RIMS1: variants seen among roughly 807,000 people sequenced by gnomAD.
RIMS1 encodes regulating synaptic membrane exocytosis 1.
Under a neutral mutation model 214.1 loss-of-function variants are expected in RIMS1, and 83 were observed. The observed-to-expected ratio is 0.39, with a 90% CI of 0.32 to 0.47. RIMS1 has a LOEUF of 0.47. RIMS1 is among the 20% of genes least tolerant of loss of function. The pLI is 0.99. For synonymous variants in RIMS1, 793 were observed against 786.8 expected (o/e 1.01, Z -0.13); for missense variants, 2,050 against 2,161.8 (o/e 0.95, Z 1.03).
intron 2 of RIMS1, among the ~76,000 whole-genome samples, chr6:72,067,742 A>G (rs1210622245): frequency 6.6e-6 from 1 of 152,236 alleles, no homozygotes; most frequent in Non-Finnish European, 1.5e-5. Flanking sequence ...CAAAATAAGA[A>G]TAAATGAATA....
intron 2 of RIMS1, among the ~76,000 whole-genome samples, chr6:72,022,293 T>G (rs906741924): frequency 6.6e-5 from 10 of 152,184 alleles, no homozygotes; most frequent in African/African-American, 2.4e-4. Flanking sequence ...TGGAGCATGC[T>G]GCAGGGGTAT....
At chr6:72,292,735 G>A (rs1275894156) in intron 26 of RIMS1, among the ~76,000 whole-genome samples, 1 of 152,074 alleles carries the variant, frequency 6.6e-6, no homozygotes, top group Non-Finnish European at 1.5e-5. Context: ...ACATATCTTA[G>A]TAGATGACAT....
intron 1 of RIMS1, among the ~76,000 whole-genome samples, chr6:71,896,252 T>C (rs1562141726): frequency 1.3e-5 from 2 of 152,352 alleles, no homozygotes; most frequent in South Asian, 4.1e-4. Flanking sequence ...AGTCTTCTTA[T>C]ATTGAGAATG....
At chr6:72,217,987 T>G (rs2154026921) in intron 6 of RIMS1, among the ~76,000 whole-genome samples, 1 of 152,254 alleles carries the variant, frequency 6.6e-6, no homozygotes, top group Non-Finnish European at 1.5e-5. Context: ...TGGCAAAACA[T>G]TTTTTCAGAT....
At chr6:72,076,626 G>A (rs1831960132) in intron 2 of RIMS1, among the ~76,000 whole-genome samples, 1 of 152,210 alleles carries the variant, frequency 6.6e-6, no homozygotes, top group African/African-American at 2.4e-5. Flanking sequence ...AGGAGGTAGA[G>A]TAATTTATTT....
At chr6:72,060,609 C>A (rs1332091214) in intron 2 of RIMS1, among the ~76,000 whole-genome samples, 2 of 152,154 alleles carry the variant, frequency 1.3e-5, no homozygotes, top group Non-Finnish European at 2.9e-5. Flanking sequence ...TATGCATTTT[C>A]TTCTCCCTCA....
intron 29 of RIMS1, among the ~76,000 whole-genome samples, chr6:72,348,392 A>G (rs1017501849): frequency 4.0e-5 from 6 of 151,848 alleles, no homozygotes; most frequent in Non-Finnish European, 8.8e-5. Flanking sequence ...TTACTGTCGG[A>G]CGACTGTAGA....
At chr6:72,356,324 G>A (rs2097643195) in intron 29 of RIMS1, among the ~76,000 whole-genome samples, 1 of 151,916 alleles carries the variant, frequency 6.6e-6, no homozygotes. Context: ...AAAAAATGAT[G>A]TTCTGTGTTT....
intron 1 of RIMS1, among the ~76,000 whole-genome samples, chr6:71,903,797 C>T: frequency 6.6e-6 from 1 of 151,738 alleles, no homozygotes. Flanking sequence ...ACTAAGTCTG[C>T]ATGCATATTA....
chr6:72,031,864 G>A (rs1225563680), intron 2 of RIMS1, among the ~76,000 whole-genome samples: 1 of 152,132 alleles, frequency 6.6e-6, no homozygotes, highest in African/African-American at 2.4e-5. Context: ...AGAAAAAGCA[G>A]ATTAGAAGAG....
intron 4 of RIMS1, among the ~76,000 whole-genome samples, chr6:72,102,183 T>G (rs1397298622): frequency 2.0e-5 from 3 of 151,984 alleles, no homozygotes; most frequent in African/African-American, 7.2e-5. Flanking sequence ...AATTGAATCC[T>G]GCAAACTTAA....
At chr6:72,338,018 CT>C (rs1254262515) in intron 29 of RIMS1, among the ~76,000 whole-genome samples, 3 of 151,606 alleles carry the variant, frequency 2.0e-5, no homozygotes, top group African/African-American at 7.3e-5. Flanking sequence ...GGTTCCAAGT[CT>C]TTGCTATTGT....
chr6:71,954,922 T>A (rs182693950), intron 1 of RIMS1, among the ~76,000 whole-genome samples: 2,750 of 151,938 alleles, frequency 0.018, 42 homozygotes, highest in Non-Finnish European at 0.029. Flanking sequence ...CTGATTCTTG[T>A]CATCATTGAT....
intron 6 of RIMS1, among the ~76,000 whole-genome samples, chr6:72,195,516 G>A (rs558165688): frequency 6.6e-6 from 1 of 152,252 alleles, no homozygotes; most frequent in South Asian, 2.1e-4. Flanking sequence ...TGGTGTTAGG[G>A]TACCAAGTGT....
chr6:71,896,676 T>C (rs983852534), intron 1 of RIMS1, among the ~76,000 whole-genome samples: 1 of 152,146 alleles, frequency 6.6e-6, no homozygotes, highest in Non-Finnish European at 1.5e-5. Flanking sequence ...GAACACAAAA[T>C]AGTGCAAATT....
intron 18 of RIMS1, 144 bp downstream of exon 18, chr6:72,259,255 T>A: frequency 3.7e-6 from 2 of 544,452 alleles, no homozygotes; most frequent in Non-Finnish European, 6.2e-6. Context: ...GTTAACATAT[T>A]GTAATAGAAA....
intron 2 of RIMS1, among the ~76,000 whole-genome samples, chr6:72,059,811 T>A (rs538332955): frequency 1.1e-3 from 175 of 152,338 alleles, no homozygotes; most frequent in African/African-American, 4.2e-3. Context: ...ATTTATGAAT[T>A]AGAAAATTTC....
chr6:72,063,156 G>C (rs184054108), intron 2 of RIMS1, among the ~76,000 whole-genome samples: 2 of 152,126 alleles, frequency 1.3e-5, no homozygotes, highest in Non-Finnish European at 2.9e-5. Flanking sequence ...AAGCTTCAGA[G>C]TTATCACACT....
chr6:72,010,682 T>C (rs374209990), intron 2 of RIMS1, among the ~76,000 whole-genome samples: 1 of 151,888 alleles, frequency 6.6e-6, no homozygotes, highest in African/African-American at 2.4e-5. Flanking sequence ...TATACACCAA[T>C]AACAGACAAA....
Sources: allele counts gnomAD v4.1 joint callset (sites outside exome capture counted in the v4.1 genomes callset), GRCh38; gene constraint gnomAD v4.1.1; transcripts MANE v1.5; gene names NCBI Gene and HGNC (gene_info 2026-07-23, HGNC 2026-07-21).